IL6: variants seen among roughly 807,000 people sequenced by gnomAD.
The protein encoded by IL6 is interleukin-6.
IL6 carries 5 observed loss-of-function variants against 18.0 expected under a neutral mutation model. The ratio of observed to expected loss-of-function variants is 0.28; its 90% CI spans 0.15 to 0.58. The LOEUF is 0.58. IL6 is among the 20% of genes least tolerant of loss of function. IL6 has a pLI of 0.90. For synonymous variants in IL6, 97 were observed against 95.1 expected (o/e 1.02, Z -0.12); for missense variants, 266 against 251.0 (o/e 1.06, Z -0.40).
chr7:22,730,732 C>T lies in IL6; in HGVS notation c.472-674C>T, dbSNP rs149720994. Among the ~76,000 whole-genome samples, 301 of 152,230 alleles carry T rather than the reference C, an allele frequency of 2.0e-3. 1 individual carries two copies. The highest frequency in any genetic ancestry group is 0.011 in the South Asian group (51 of 4,814). On this transcript the variant is annotated intron_variant, in intron 4 of 4. Coordinates refer to ENST00000258743, the MANE Select transcript of IL6 (RefSeq NM_000600.5). ...AAATAAGATAGTGATGCTGGTCAGG[C>T]TTGGTGGCTCATGCCTGTATTCCCT... is the stretch of plus-strand genomic sequence containing the variant.
chr7:22,727,346 G>T (rs768473558), intron 1 of IL6, 65 bp downstream of exon 1: 8 of 1,613,824 alleles, frequency 5.0e-6, no homozygotes, highest in African/African-American at 1.3e-5. Context: ...TGAGGGAGGG[G>T]TGTGTGGCCC....
chr7:22,727,279 C>T lies in IL6; in HGVS notation c.17C>T (p.Thr6Ile), dbSNP rs774003579. 4 of 1,613,834 alleles carry T rather than the reference C, an allele frequency of 2.5e-6. No homozygotes were observed. Among genetic ancestry groups the T allele is most frequent in the Non-Finnish European group, 2.5e-6 (3 of 1,180,020 alleles). ...AGCCCAGCTATGAACTCCTTCTCCA[C>T]AAGTAAGTGCAGGAAATCCTTAGCC... MNSFS[T>I]SAFGPVAFSL... The change falls in exon 1 of 5, where the codon ACA (threonine) becomes ATA (isoleucine). Residue 6 changes from threonine (T) to isoleucine (I), a missense_variant and splice_region_variant. Coordinates refer to ENST00000258743, the MANE Select transcript of IL6 (RefSeq NM_000600.5).
Position 22,728,811 on chromosome 7 carries a change from C to G in IL6, c.324+5C>G. 1 of 1,510,448 alleles carries G rather than the reference C, an allele frequency of 6.6e-7. No individual in the cohort carries two copies. The highest frequency in any genetic ancestry group is 1.1e-5 in the South Asian group (1 of 88,918). The allele number at this position is 1,510,448 out of a possible 1,614,324, so 93.6% of individuals were successfully genotyped here. A position where few individuals can be genotyped will look rare whatever the true frequency, so the allele number is the denominator to read the frequency against. ...TTCCAATCTGGATTCAATGAGGTAC[C>G]AACTTGTCGCACTCACTTTTCACTA... On this transcript the variant is annotated splice_donor_5th_base_variant and intron_variant, in intron 3 of 4. Transcript: ENST00000258743.
Position 22,729,611 on chromosome 7 carries a change from G to T in IL6, c.422G>T (p.Arg141Ile), listed in dbSNP as rs751859032. 8 of 1,614,058 alleles carry T rather than the reference G, an allele frequency of 5.0e-6. No individual in the cohort carries two copies. The Admixed American group carries it at 5.0e-5, about 10-fold the overall frequency. Reference sequence around the variant, plus strand: ...TTTGAGAGTAGTGAGGAACAAGCCAGAGCTGTGCAGATGAGTACAAAAGTC... The same window carrying T: ...TTTGAGAGTAGTGAGGAACAAGCCATAGCTGTGCAGATGAGTACAAAAGTC... ...NRFESSEEQA[R>I]AVQMSTKVLI... The change falls in exon 4 of 5, where the codon AGA (arginine) becomes ATA (isoleucine). Residue 141 changes from arginine to isoleucine, a missense_variant. Arg to Ile is a moderately conservative substitution (Grantham distance 97). Coordinates refer to ENST00000258743, the MANE Select transcript of IL6 (RefSeq NM_000600.5).
At chr7:22,730,179 T>C (rs1301248813) in intron 4 of IL6, 2 of 985,214 alleles carry the variant, frequency 2.0e-6, no homozygotes, top group Non-Finnish European at 2.4e-6. Flanking sequence ...TAGCTGGCTA[T>C]TCAGACAGCA....
intron 4 of IL6, chr7:22,729,876 T>C (rs1784093294): frequency 6.9e-7 from 1 of 1,456,894 alleles, no homozygotes. Flanking sequence ...AACTGTATTT[T>C]AAACTATATA....
At chr7:22,729,442 TG>T in intron 3 of IL6, 71 bp from the exon 4 acceptor site, 1 of 1,432,302 alleles carries the variant, frequency 7.0e-7, no homozygotes, top group Non-Finnish European at 9.7e-7. Flanking sequence ...TGTCGAACTG[TG>T]GCAATTTTAA....
rs1172485237 is a variant in IL6 at position 22,731,522 on chromosome 7, C to T, written c.588C>T (p.Arg196=). The part of the protein sequence containing the change: ...LQDMTTHLIL[R]SFKEFLQSSL... ...ACATGACAACTCATCTCATTCTGCG[C>T]AGCTTTAAGGAGTTCCTGCAGTCCA... The change falls in exon 5 of 5, where the codon CGC becomes CGT. Residue 196 remains arginine (R), a synonymous_variant. Coordinates refer to ENST00000258743, the MANE Select transcript of IL6 (RefSeq NM_000600.5). 1.2e-6 allele frequency: 2 copies of T among 1,610,888 alleles called. No individual in the cohort carries two copies. The highest frequency in any genetic ancestry group is 1.7e-5 in the Admixed American group (1 of 59,948).
At chr7:22,730,374 C>T (rs892436059) in intron 4 of IL6, 3 of 825,254 alleles carry the variant, frequency 3.6e-6, no homozygotes, top group African/African-American at 1.9e-5. Flanking sequence ...TAGCAAGCCT[C>T]GGGTGGGTTT....
At position 22,727,570 on chromosome 7, in the gene IL6, C is replaced by T; in HGVS notation, c.146C>T (p.Ser49Phe). 2.5e-6 allele frequency: 4 copies of T among 1,596,770 alleles called. No individual in the cohort carries two copies. Among genetic ancestry groups the T allele is most frequent in the Non-Finnish European group, 3.4e-6 (4 of 1,172,376 alleles). Reference protein sequence around the residue: ...VAAPHRQPLTSSERIDKQIRY... With the variant: ...VAAPHRQPLTFSERIDKQIRY... ...GCCCCACACAGACAGCCACTCACCT[C>T]TTCAGAACGAATTGACAAACAAATT... The change falls in exon 2 of 5, where the codon TCT (serine) becomes TTT (phenylalanine). Residue 49 changes from serine (S) to phenylalanine (F), a missense_variant. Transcript: ENST00000258743.
At position 22,729,584 on chromosome 7, in the gene IL6, G is replaced by C; in HGVS notation, c.395G>C (p.Arg132Thr). The C allele has an allele frequency of 6.2e-7, 1 of 1,614,180 alleles. No homozygotes were observed. The highest frequency in any genetic ancestry group is 8.5e-7 in the Non-Finnish European group (1 of 1,180,010). The change falls in exon 4 of 5, where the codon AGA becomes ACA. Residue 132 changes from arginine to threonine, a missense_variant. Transcript: ENST00000258743. ...GTATACCTAGAGTACCTCCAGAACA[G>C]ATTTGAGAGTAGTGAGGAACAAGCC... is the stretch of plus-strand genomic sequence containing the variant. ...FEVYLEYLQNRFESSEEQARA... is the reference protein window; with the variant it reads ...FEVYLEYLQNTFESSEEQARA...
intron 2 of IL6, among the ~76,000 whole-genome samples, chr7:22,728,104 A>T (rs1277331105): frequency 6.6e-6 from 1 of 152,180 alleles, no homozygotes; most frequent in Non-Finnish European, 1.5e-5. Flanking sequence ...CCAAAGTGGC[A>T]AATCATAAAT....
At chr7:22,729,475 C>A (rs753636318) in intron 3 of IL6, 39 bp from the exon 4 acceptor site, 1 of 1,591,640 alleles carries the variant, frequency 6.3e-7, no homozygotes, top group Non-Finnish European at 8.6e-7. Context: ...GATTCTATCT[C>A]CTGGCGATAA....
In IL6 at chr7:22,729,399, C is replaced by G. The variant is rs1784079791; in HGVS notation, c.325-115C>G. 2.9e-5 allele frequency: 28 copies of G among 954,416 alleles called. 1 individual carries two copies. The South Asian group carries it at 4.2e-4, about 14-fold the overall frequency. 59.1% of individuals were successfully genotyped at this position (954,416 alleles called of 1,614,324 possible). A position where few individuals can be genotyped will look rare whatever the true frequency, so the allele number is the denominator to read the frequency against. ...CCCAAAACATGCTGCCTAAGAGGTA[C>G]TTGAAGTTCTCTAGAGGAGCAGAGG... On this transcript the variant is annotated intron_variant, in intron 3 of 4. Coordinates refer to ENST00000258743, the MANE Select transcript of IL6 (RefSeq NM_000600.5).
At chr7:22,727,329 C>A (rs755658631) in intron 1 of IL6, 48 bp downstream of exon 1, 1 of 1,613,960 alleles carries the variant, frequency 6.2e-7, no homozygotes, top group African/African-American at 1.3e-5. Context: ...GGCGGTCGAG[C>A]CCTGTGTGAG....
intron 2 of IL6, among the ~76,000 whole-genome samples, chr7:22,728,039 C>T (rs1205677704): frequency 6.6e-6 from 1 of 152,160 alleles, no homozygotes; most frequent in Non-Finnish European, 1.5e-5. Context: ...TATGTAAACT[C>T]AATGGCTAGG....
In IL6 at chr7:22,727,441, C is replaced by A; in HGVS notation, c.20-3C>A. The A allele has an allele frequency of 6.2e-7, 1 of 1,613,884 alleles. No individual in the cohort carries two copies. The highest frequency in any genetic ancestry group is 8.5e-7 in the Non-Finnish European group (1 of 1,179,854). On this transcript the variant is annotated splice_polypyrimidine_tract_variant and splice_region_variant and intron_variant, in intron 1 of 4. Transcript: ENST00000258743. ...CCCCTGCGCTCGCTCCCCTCCGGCA[C>A]AGGCGCCTTCGGTCCAGTTGCCTTC...
chr7:22,728,770 T>C lies in IL6; in HGVS notation c.288T>C (p.Ala96=). ...ACAACCTGAACCTTCCAAAGATGGC[T>C]GAAAAAGATGGATGCTTCCAATCTG... The part of the protein sequence containing the change: ...AENNLNLPKM[A]EKDGCFQSGF... Residue 96 remains alanine (A), a synonymous_variant, in exon 3 of 5, where the codon GCT becomes GCC. Transcript: ENST00000258743. 6.2e-7 allele frequency: 1 copy of C among 1,612,488 alleles called. No individual in the cohort carries two copies. Among genetic ancestry groups the C allele is most frequent in the Non-Finnish European group, 8.5e-7 (1 of 1,178,466 alleles).
chr7:22,729,962 A>G (rs1181292018), intron 4 of IL6: 2 of 1,375,236 alleles, frequency 1.5e-6, no homozygotes, highest in Non-Finnish European at 9.4e-7. Context: ...GGCGGGCAGA[A>G]AAAAGTGCAT....
Sources: gnomAD v4.1 joint callset for allele counts (sites outside exome capture counted in the v4.1 genomes callset) on GRCh38, gnomAD v4.1.1 for gene constraint, MANE v1.5 for transcripts, NCBI Gene and HGNC (gene_info 2026-07-23, HGNC 2026-07-21) for gene names.